DAB1: variants seen among roughly 807,000 people sequenced by gnomAD.
DAB1 encodes disabled homolog 1.
DAB1 carries 15 observed loss-of-function variants against 64.6 expected under a neutral mutation model. The ratio of observed to expected loss-of-function variants is 0.23; its 90% confidence interval spans 0.16 to 0.36. The LOEUF is 0.36. DAB1 is among the 10% of genes least tolerant of loss of function. The pLI is 1.00. For missense variants in DAB1, 596 were observed against 706.7 expected (o/e 0.84, Z 1.78); for synonymous variants, 235 against 251.9 (o/e 0.93, Z 0.64).
intron 5 of DAB1, among the ~76,000 whole-genome samples, chr1:58,014,652 G>A (rs920863462): frequency 2.0e-5 from 3 of 152,170 alleles, no homozygotes; most frequent in Non-Finnish European, 4.4e-5. Flanking sequence ...CTATTCCATG[G>A]GAGTCTCCTG....
rs1407032743 is a variant in DAB1, at chr1:58,374,084, T to C, written n.258-30681A>G. Among the ~76,000 whole-genome samples, 4 of 48,780 alleles carry C rather than the reference T, an allele frequency of 8.2e-5. No individual in the cohort carries two copies. In the East Asian group the frequency reaches 2.1e-3, roughly 26 times the overall value. The allele number at this position is 48,780 out of a possible 152,430, so 32.0% of individuals were successfully genotyped here. A position where few individuals can be genotyped will look rare whatever the true frequency, so the allele number is the denominator to read the frequency against. ...ATTGTAGATTCTGGATATACGCCCT[T>C]TGTCAGATGAGTAGGTTGCAAAAAT... On this transcript the variant is annotated intron_variant and non_coding_transcript_variant, in intron 3 of 20. Coordinates refer to the DAB1 transcript ENST00000485760.
chr1:57,864,055 G>A lies in DAB1; in HGVS notation n.87+19944C>T, dbSNP rs550117122. On this transcript the variant is annotated intron_variant and non_coding_transcript_variant, in intron 1 of 1. Coordinates refer to the DAB1 transcript ENST00000477280. ...ACATGAAAACTCTATAATATCAGGA[G>A]GTGATGTGTGCTAGGACGAAAAAGG... Among the ~76,000 whole-genome samples, 6 of 152,286 alleles carry A rather than the reference G, an allele frequency of 3.9e-5. No individual in the cohort carries two copies. The South Asian group carries it at 1.2e-3, about 32-fold the overall frequency.
rs538382945 is a variant in DAB1, at chr1:57,016,704, A to G, written c.896-1273T>C. ...TGTACTCACACGTATTACCATGATA[A>G]TTGTTCACTGTATTATTCTTTTTAG... On this transcript the variant is annotated intron_variant, in intron 11 of 14. Transcript: ENST00000371236. 2.6e-5 allele frequency among the ~76,000 whole-genome samples: 4 copies of G among 152,176 alleles called. No individual in the cohort carries two copies. In the East Asian group the frequency reaches 7.7e-4, roughly 29 times the overall value.
At chr1:58,180,281 C>CTTTTTTTTTTTTTT (rs869204611) in intron 4 of DAB1, among the ~76,000 whole-genome samples, 679 of 61,046 alleles carry the variant, frequency 0.011, 20 homozygotes, top group African/African-American at 0.015. Context: ...TTTTTCTTTT[C>CTTTTTTTTTTTTTT]TTTTTTTTTT....
At chr1:57,240,895 G>A (rs763661122) in intron 2 of DAB1, among the ~76,000 whole-genome samples, 6 of 152,120 alleles carry the variant, frequency 3.9e-5, no homozygotes, top group African/African-American at 7.2e-5. Flanking sequence ...CTTGTTCTGG[G>A]AAGAGCCCTA....
rs1220895351 is a variant in DAB1, at chr1:57,482,436, C to G, written n.625+167156G>C. ...TTTCTAATGAGACAGGCTGAAGAAACAGCTAAAAATAATTGACCCCAGTTT... is the reference window on the plus strand; with the variant it reads ...TTTCTAATGAGACAGGCTGAAGAAAGAGCTAAAAATAATTGACCCCAGTTT... On this transcript the variant is annotated intron_variant and non_coding_transcript_variant, in intron 7 of 20. Transcript: ENST00000485760. 7.1e-5 allele frequency among the ~76,000 whole-genome samples: 6 copies of G among 84,726 alleles called. No homozygotes were observed. The East Asian group carries it at 2.1e-3, about 30-fold the overall frequency. The allele number at this position is 84,726 out of a possible 152,430, so 55.6% of individuals were successfully genotyped here.
intron 2 of DAB1, among the ~76,000 whole-genome samples, chr1:57,259,717 T>C (rs989184644): frequency 3.1e-4 from 47 of 152,188 alleles, no homozygotes; most frequent in African/African-American, 1.1e-3. Flanking sequence ...AATAAAGAGG[T>C]TATTCATCAG....
intron 5 of DAB1, among the ~76,000 whole-genome samples, chr1:57,910,870 G>A (rs1644633477): frequency 6.6e-6 from 1 of 152,190 alleles, no homozygotes; most frequent in Non-Finnish European, 1.5e-5. Flanking sequence ...GTGTGTGATG[G>A]TGTGTAAGTC....
chr1:58,383,223 A>C (rs1478358805), intron 3 of DAB1, among the ~76,000 whole-genome samples: 1 of 152,174 alleles, frequency 6.6e-6, no homozygotes, highest in East Asian at 1.9e-4. Context: ...GAGTACAGAT[A>C]GGTTAAATTA....
chr1:57,431,967 C>G (rs538374460), intron 7 of DAB1, among the ~76,000 whole-genome samples: 12 of 151,984 alleles, frequency 7.9e-5, no homozygotes, highest in Non-Finnish European at 1.3e-4. Flanking sequence ...ACTAAAAATA[C>G]AAAAATTAGC....
At position 57,965,889 on chromosome 1, in the gene DAB1, G is replaced by A. The variant is rs72922522; in HGVS notation, n.388-81727C>T. Among the ~76,000 whole-genome samples the A allele has an allele frequency of 8.9e-3, 1,348 of 152,190 alleles. 20 individuals carry two copies. Among genetic ancestry groups the A allele is most frequent in the African/African-American group, 0.03 (1,244 of 41,528 alleles). On this transcript the variant is annotated intron_variant and non_coding_transcript_variant, in intron 5 of 20. Transcript: ENST00000485760. ...TCCATGTACTTGTTATGTGCATTGT[G>A]GCAAATTTCTCTATCTTTCTGAGAT... is the stretch of plus-strand genomic sequence containing the variant.
intron 6 of DAB1, among the ~76,000 whole-genome samples, chr1:57,706,712 G>GC (rs1169428068): frequency 3.9e-5 from 6 of 152,036 alleles, no homozygotes; most frequent in Non-Finnish European, 5.9e-5. Context: ...GGAAATTTGT[G>GC]CACTAGGTGT....
chr1:58,189,607 C>T (rs1305499591), intron 4 of DAB1, among the ~76,000 whole-genome samples: 3 of 152,348 alleles, frequency 2.0e-5, no homozygotes, highest in Admixed American at 6.5e-5. Flanking sequence ...CCACTGGTTG[C>T]AGGTCCCCAC....
At chr1:57,240,482 C>A (rs1371141432) in intron 2 of DAB1, among the ~76,000 whole-genome samples, 1 of 152,092 alleles carries the variant, frequency 6.6e-6, no homozygotes, top group East Asian at 1.9e-4. Flanking sequence ...TACGTCTAGA[C>A]ATACCAATAC....
intron 7 of DAB1, among the ~76,000 whole-genome samples, chr1:57,539,950 G>T (rs1023426565): frequency 6.6e-6 from 1 of 152,164 alleles, no homozygotes; most frequent in Non-Finnish European, 1.5e-5. Context: ...AGATGAATTA[G>T]TGAGGCTGTC....
intron 1 of DAB1, among the ~76,000 whole-genome samples, chr1:57,332,419 C>CA (rs551299730): frequency 1.0e-3 from 153 of 152,290 alleles, no homozygotes; most frequent in African/African-American, 3.7e-3. Context: ...GTGTCTGTTA[C>CA]CTTTCTAGTT....
chr1:58,377,309 G>A (rs1361219548), intron 3 of DAB1, among the ~76,000 whole-genome samples: 255 of 142,240 alleles, frequency 1.8e-3, no homozygotes, highest in African/African-American at 5.8e-3. Flanking sequence ...ATTTTGCAGC[G>A]GCTGGTACCG....
At chr1:57,400,763 GC>G (rs1354649817) in intron 1 of DAB1, among the ~76,000 whole-genome samples, 2 of 151,786 alleles carry the variant, frequency 1.3e-5, no homozygotes, top group Admixed American at 1.3e-4. Context: ...CATAGCTTGT[GC>G]CCATCTAGAC....
At chr1:57,676,940 C>T (rs1041296406) in intron 6 of DAB1, among the ~76,000 whole-genome samples, 4 of 152,280 alleles carry the variant, frequency 2.6e-5, no homozygotes, top group Admixed American at 6.5e-5. Context: ...GATTAAACTG[C>T]GTTCTCCTCC....
Sources: gnomAD v4.1 joint callset for allele counts (sites outside exome capture counted in the v4.1 genomes callset) on GRCh38, gnomAD v4.1.1 for gene constraint, MANE v1.5 for transcripts, NCBI Gene and HGNC (gene_info 2026-07-23, HGNC 2026-07-21) for gene names.